Variants in DENND1B observed in about 807,000 individuals in gnomAD.
The protein encoded by DENND1B is DENN domain containing 1B, also known as DENN domain-containing protein 1B.
Under a neutral mutation model 90.1 loss-of-function variants are expected in DENND1B, and 59 were observed. The observed-to-expected ratio is 0.65, with a 90% CI of 0.53 to 0.81. DENND1B has a LOEUF of 0.81. Among genes scored for constraint, DENND1B ranks in the 40% least tolerant of loss-of-function variants. The probability of loss-of-function intolerance (pLI) is 0.00; values close to 1 mark genes in which losing one functional copy is unlikely to be tolerated. For missense variants in DENND1B, 862 were observed against 912.6 expected (o/e 0.94, Z 0.71); for synonymous variants, 337 against 324.6 (o/e 1.04, Z -0.41).
chr1:197,770,034 A>G (rs1656213269), intron 2 of DENND1B, among the ~76,000 whole-genome samples: 1 of 152,096 alleles, frequency 6.6e-6, no homozygotes, highest in Non-Finnish European at 1.5e-5. Context: ...GTTATTTATT[A>G]TAGTTACTGA....
intron 10 of DENND1B, among the ~76,000 whole-genome samples, chr1:197,635,401 G>A (rs949219211): frequency 6.6e-6 from 1 of 152,142 alleles, no homozygotes; most frequent in Non-Finnish European, 1.5e-5. Context: ...GCAGTAGAGC[G>A]ATTATGGCTC....
intron 3 of DENND1B, among the ~76,000 whole-genome samples, chr1:197,674,891 C>T (rs1015505533): frequency 6.6e-6 from 1 of 151,976 alleles, no homozygotes; most frequent in African/African-American, 2.4e-5. Flanking sequence ...GATTTTGAAA[C>T]CTTCAGTTAT....
intron 14 of DENND1B, among the ~76,000 whole-genome samples, chr1:197,590,028 A>C (rs1480318316): frequency 6.6e-6 from 1 of 152,174 alleles, no homozygotes; most frequent in Non-Finnish European, 1.5e-5. Flanking sequence ...TGATACAAAG[A>C]GGTATAACTA....
intron 15 of DENND1B, among the ~76,000 whole-genome samples, chr1:197,579,301 T>G (rs887557542): frequency 4.6e-5 from 7 of 152,166 alleles, no homozygotes; most frequent in African/African-American, 1.7e-4. Context: ...GTGTTTTGTT[T>G]GGCATAGAAT....
chr1:197,530,542 C>T (rs1257140030), intron 20 of DENND1B, among the ~76,000 whole-genome samples: 1 of 152,104 alleles, frequency 6.6e-6, no homozygotes, highest in Non-Finnish European at 1.5e-5. Flanking sequence ...CTATTCAAGT[C>T]ATAAACTGGG....
intron 3 of DENND1B, among the ~76,000 whole-genome samples, chr1:197,705,867 A>G (rs1428075494): frequency 6.6e-6 from 1 of 152,032 alleles, no homozygotes; most frequent in African/African-American, 2.4e-5. Flanking sequence ...CATACTTAAG[A>G]TATTTATAAA....
At chr1:197,734,125 G>C in intron 2 of DENND1B, 4 of 947,336 alleles carry the variant, frequency 4.2e-6, no homozygotes, top group Non-Finnish European at 5.0e-6. Context: ...AAATAAAACT[G>C]TCATATCTTT....
rs150049835 is a variant in DENND1B at position 197,634,726 on chromosome 1, G to A, written c.672+7985C>T. Among the ~76,000 whole-genome samples, 1,035 of 152,274 alleles carry A rather than the reference G, an allele frequency of 6.8e-3. 6 individuals carry two copies. Among genetic ancestry groups the A allele is most frequent in the African/African-American group, 0.023 (955 of 41,562 alleles). On this transcript the variant is annotated intron_variant, in intron 10 of 22. Coordinates refer to ENST00000620048, the MANE Select transcript of DENND1B (RefSeq NM_001195215.2). ...GCCTAGGCCGGGCACAGTAGCTCAC[G>A]CCTGTGATCCCAGCAACTTTGGGAG...
chr1:197,635,099 T>A (rs898716582), intron 10 of DENND1B, among the ~76,000 whole-genome samples: 1 of 152,150 alleles, frequency 6.6e-6, no homozygotes, highest in African/African-American at 2.4e-5. Context: ...ACAAAGAAAC[T>A]TTCATTATTT....
At chr1:197,578,901 A>G (rs191967887) in intron 15 of DENND1B, among the ~76,000 whole-genome samples, 2 of 152,158 alleles carry the variant, frequency 1.3e-5, no homozygotes, top group Admixed American at 6.5e-5. Flanking sequence ...AGTAGCTAGA[A>G]CTACAGGTGT....
chr1:197,702,002 T>C (rs1419528802), intron 3 of DENND1B, among the ~76,000 whole-genome samples: 2 of 152,190 alleles, frequency 1.3e-5, no homozygotes, highest in Non-Finnish European at 2.9e-5. Context: ...CTATATTTCA[T>C]AAAGACCTTT....
At chr1:197,752,943 G>C (rs1653766527) in intron 2 of DENND1B, among the ~76,000 whole-genome samples, 1 of 151,942 alleles carries the variant, frequency 6.6e-6, no homozygotes. Flanking sequence ...CTTCATCCAT[G>C]TCCCTGCAAA....
intron 10 of DENND1B, among the ~76,000 whole-genome samples, chr1:197,636,515 T>A (rs879705315): frequency 7.2e-5 from 11 of 152,174 alleles, no homozygotes; most frequent in Non-Finnish European, 1.6e-4. Flanking sequence ...ACTATGGCCT[T>A]GATCAACTTA....
chr1:197,595,073 CATT>C, intron 14 of DENND1B, 132 bp downstream of exon 14: 1 of 1,218,382 alleles, frequency 8.2e-7, no homozygotes, highest in Non-Finnish European at 1.1e-6. Flanking sequence ...TTTTGAAACA[CATT>C]ATTTTGGATC....
intron 18 of DENND1B, among the ~76,000 whole-genome samples, chr1:197,544,109 C>A (rs1040243488): frequency 4.6e-5 from 7 of 152,172 alleles, no homozygotes; most frequent in Admixed American, 6.5e-5. Flanking sequence ...TGTACACAGA[C>A]AAAACAAGTG....
chr1:197,771,036 C>T (rs1157878400), intron 2 of DENND1B, among the ~76,000 whole-genome samples: 1 of 151,180 alleles, frequency 6.6e-6, no homozygotes, highest in Non-Finnish European at 1.5e-5. Flanking sequence ...CTCAGCCTCC[C>T]CAGTAGCTGG....
intron 6 of DENND1B, among the ~76,000 whole-genome samples, chr1:197,655,414 G>C (rs1572210435): frequency 6.6e-6 from 1 of 152,180 alleles, no homozygotes; most frequent in Admixed American, 6.5e-5. Context: ...ACAACCCAGT[G>C]TAAATGCTCT....
At chr1:197,769,816 A>C (rs1656179235) in intron 2 of DENND1B, among the ~76,000 whole-genome samples, 2 of 152,342 alleles carry the variant, frequency 1.3e-5, no homozygotes, top group South Asian at 4.1e-4. Flanking sequence ...GCCTCATTAA[A>C]ACAAATAGGT....
At chr1:197,547,267 CTT>C (rs11339608) in intron 16 of DENND1B, among the ~76,000 whole-genome samples, 63 of 145,284 alleles carry the variant, frequency 4.3e-4, no homozygotes, top group Non-Finnish European at 3.5e-4. Flanking sequence ...GACCCCATCT[CTT>C]TTTTTTTTTT....
Sources: allele counts gnomAD v4.1 joint callset (sites outside exome capture counted in the v4.1 genomes callset), GRCh38; gene constraint gnomAD v4.1.1; transcripts MANE v1.5; gene names NCBI Gene and HGNC (gene_info 2026-07-23, HGNC 2026-07-21).